Variants in MEIOSIN observed in about 807,000 individuals in gnomAD.
MEIOSIN encodes meiosis initiator protein.
Under a neutral mutation model 23.4 loss-of-function variants are expected in MEIOSIN, and 18 were observed. The ratio of observed to expected loss-of-function variants is 0.77; its 90% CI spans 0.53 to 1.14. MEIOSIN has a LOEUF of 1.14. Ranked by LOEUF, MEIOSIN falls within the 50% of genes most tolerant of loss-of-function variation. The pLI is 0.00. For synonymous variants in MEIOSIN, 187 were observed against 100.6 expected (o/e 1.86, Z -5.14); for missense variants, 428 against 242.9 (o/e 1.76, Z -5.07).
intron 8 of MEIOSIN, among the ~76,000 whole-genome samples, chr19:45,756,444 G>T (rs1196725547): frequency 5.3e-5 from 8 of 152,018 alleles, no homozygotes; most frequent in Non-Finnish European, 1.0e-4. Flanking sequence ...TTGAGACAGG[G>T]TCTCACTCTG....
At chr19:45,745,819 G>A (rs1161111461) in intron 4 of MEIOSIN, among the ~76,000 whole-genome samples, 2 of 152,090 alleles carry the variant, frequency 1.3e-5, no homozygotes, top group East Asian at 1.9e-4. Flanking sequence ...CGATCCATCC[G>A]CCTTGGCCTC....
At chr19:45,734,020 A>G (rs982729524) in intron 1 of MEIOSIN, among the ~76,000 whole-genome samples, 8 of 151,970 alleles carry the variant, frequency 5.3e-5, no homozygotes, top group African/African-American at 1.9e-4. Context: ...CAATTTGGGG[A>G]TCTGGAAGTC....
At chr19:45,747,367 AG>A (rs1968613751) in intron 4 of MEIOSIN, among the ~76,000 whole-genome samples, 1 of 152,098 alleles carries the variant, frequency 6.6e-6, no homozygotes, top group African/African-American at 2.4e-5. Flanking sequence ...TTTGATTCAG[AG>A]TGTCCTTCCT....
rs551578515 is a variant in MEIOSIN at position 45,735,506 on chromosome 19, A to C, written c.71+59A>C. On this transcript the variant is annotated intron_variant, in intron 2 of 14. Transcript: ENST00000457052. ...GCCACTCTCATTGAATAATAATAAC[A>C]AAAACATTTGCTGAGCATTTACCGT... The C allele has an allele frequency of 6.2e-4, 412 of 669,410 alleles. 4 individuals are homozygous for C. Among genetic ancestry groups the C allele is most frequent in the South Asian group, 6.1e-3 (387 of 63,550 alleles). 41.5% of individuals were successfully genotyped at this position (669,410 alleles called of 1,614,324 possible).
In MEIOSIN at chr19:45,761,694, GC is replaced by G. The variant is rs1285118722; in HGVS notation, c.1266del (p.Asp424ThrfsTer22). ...CATGCCCCAGGACACAGCCTCCAAGGCCCCCAAAGACCCTCCTGAGTCCCAC... is the reference window on the plus strand; with the variant it reads ...CATGCCCCAGGACACAGCCTCCAAGGCCCCAAAGACCCTCCTGAGTCCCAC... ...APQEKDTASK[A>X]PKDPPESHSL... On this transcript the variant is annotated frameshift_variant, in exon 12 of 15. Coordinates refer to ENST00000457052, the MANE Select transcript of MEIOSIN (RefSeq NM_001310124.2). LOFTEE classifies it high-confidence loss of function. The G allele has an allele frequency of 1.1e-5, 8 of 702,400 alleles. No individual in the cohort carries two copies. The highest frequency in any genetic ancestry group is 1.8e-5 in the Non-Finnish European group (7 of 384,778). 43.5% of individuals were successfully genotyped at this position (702,400 alleles called of 1,614,324 possible).
chr19:45,736,957 C>T (rs1404383315), intron 2 of MEIOSIN, among the ~76,000 whole-genome samples: 1 of 151,260 alleles, frequency 6.6e-6, no homozygotes, highest in Non-Finnish European at 1.5e-5. Context: ...CAACCTCCGC[C>T]TCCCGGGTTC....
chr19:45,761,619 GGGGGGA>G, intron 11 of MEIOSIN, 54 bp from the exon 12 acceptor site: 1 of 678,316 alleles, frequency 1.5e-6, no homozygotes, highest in South Asian at 1.6e-5. Context: ...AAGCAGTACT[GGGGGGA>G]TGAAGGGGCA....
chr19:45,748,438 C>T (rs533592592), intron 4 of MEIOSIN, among the ~76,000 whole-genome samples: 1 of 152,178 alleles, frequency 6.6e-6, no homozygotes, highest in Non-Finnish European at 1.5e-5. Flanking sequence ...AGGCTCTTGC[C>T]TTCAACCATT....
chr19:45,756,193 C>G (rs1968826347), intron 8 of MEIOSIN, 115 bp downstream of exon 8: 1 of 619,268 alleles, frequency 1.6e-6, no homozygotes, highest in Non-Finnish European at 2.9e-6. Context: ...CCCTTGAGCA[C>G]CAATGGAGGC....
intron 3 of MEIOSIN, among the ~76,000 whole-genome samples, chr19:45,744,211 G>A (rs935712377): frequency 1.3e-5 from 2 of 151,112 alleles, no homozygotes; most frequent in African/African-American, 4.9e-5. Flanking sequence ...GTAGAGATGG[G>A]TTTTTGCCAT....
Position 45,763,321 on chromosome 19 carries a change from C to T in MEIOSIN, c.1680-17C>T, listed in dbSNP as rs900340531. The stretch of plus-strand genomic sequence containing the variant: ...TCCTGCAGACCTCTCCTTACCTCCT[C>T]CTCCTTCCTGTCCCAGATCCTGCCC... On this transcript the variant is annotated splice_polypyrimidine_tract_variant and intron_variant, in intron 13 of 14. Transcript: ENST00000457052. The T allele has an allele frequency of 2.5e-5, 10 of 398,702 alleles. No individual in the cohort carries two copies. Among genetic ancestry groups the T allele is most frequent in the Non-Finnish European group, 4.4e-5 (10 of 226,206 alleles). The allele number at this position is 398,702 out of a possible 1,614,324, so 24.7% of individuals were successfully genotyped here.
At chr19:45,747,943 T>C (rs1227286543) in intron 4 of MEIOSIN, among the ~76,000 whole-genome samples, 1 of 141,342 alleles carries the variant, frequency 7.1e-6, no homozygotes, top group Non-Finnish European at 1.6e-5. Flanking sequence ...CTACAAAAAA[T>C]ACAAAAATTA....
At chr19:45,734,582 C>A (rs1448658145) in intron 1 of MEIOSIN, among the ~76,000 whole-genome samples, 2 of 151,650 alleles carry the variant, frequency 1.3e-5, no homozygotes, top group Non-Finnish European at 2.9e-5. Flanking sequence ...TAGCTCACTG[C>A]AGCCTTGACC....
chr19:45,763,438 C>T lies in MEIOSIN; in HGVS notation c.1769+11C>T, dbSNP rs1968989043. 7.5e-6 allele frequency: 3 copies of T among 398,570 alleles called. No homozygotes were observed. The highest frequency in any genetic ancestry group is 1.3e-5 in the Non-Finnish European group (3 of 226,134). 24.7% of individuals were successfully genotyped at this position (398,570 alleles called of 1,614,324 possible). A position where few individuals can be genotyped will look rare whatever the true frequency, so the allele number is the denominator to read the frequency against. ...GCGGAGGCCATACTGGTGAGAGGCT[C>T]CGGCCCCGAGGTGTGGGTGGGGGGT... On this transcript the variant is annotated intron_variant, in intron 14 of 14. Transcript: ENST00000457052.
chr19:45,753,855 G>A lies in MEIOSIN; in HGVS notation c.556+67G>A, dbSNP rs976530429. The A allele has an allele frequency of 6.1e-6, 4 of 653,512 alleles. No homozygotes were observed. The Admixed American group carries it at 7.1e-5, about 12-fold the overall frequency. The allele number at this position is 653,512 out of a possible 1,614,324, so 40.5% of individuals were successfully genotyped here. ...CCCAGGAGCAGGGCTCCTTCTCCAGGGATGTCCTTACTCTGGGGGCCTTCT... is the reference window on the plus strand; with the variant it reads ...CCCAGGAGCAGGGCTCCTTCTCCAGAGATGTCCTTACTCTGGGGGCCTTCT... On this transcript the variant is annotated intron_variant, in intron 6 of 14. Coordinates refer to ENST00000457052, the MANE Select transcript of MEIOSIN (RefSeq NM_001310124.2).
rs552798256 is a variant in MEIOSIN, at chr19:45,762,023, C to A, written c.1519C>A (p.Pro507Thr). Residue 507 changes from proline to threonine, a missense_variant, in exon 13 of 15, where the codon CCC becomes ACC. By Grantham distance (38) the Pro-to-Thr change is conservative. Coordinates refer to ENST00000457052, the MANE Select transcript of MEIOSIN (RefSeq NM_001310124.2). The stretch of plus-strand genomic sequence containing the variant: ...ATGGACCCCCACCCGGCTGGCCTCA[C>A]CCCTGCTGGCAGCTGAGAAAAAGGC... Reference protein sequence around the residue: ...TTWTPTRLASPLLAAEKKATK... With the variant: ...TTWTPTRLASTLLAAEKKATK... The A allele has an allele frequency of 1.9e-4, 95 of 491,854 alleles. No individual in the cohort carries two copies. In the South Asian group the frequency reaches 3.6e-3, roughly 19 times the overall value. The allele number at this position is 491,854 out of a possible 1,614,324, so 30.5% of individuals were successfully genotyped here.
chr19:45,736,012 C>G (rs571465248), intron 2 of MEIOSIN, among the ~76,000 whole-genome samples: 25 of 152,016 alleles, frequency 1.6e-4, no homozygotes, highest in Middle Eastern at 3.4e-3. Context: ...AAGATAACTT[C>G]TAAGGTCCTT....
intron 5 of MEIOSIN, among the ~76,000 whole-genome samples, chr19:45,751,787 G>A (rs1432921930): frequency 2.6e-5 from 4 of 151,440 alleles, no homozygotes; most frequent in Non-Finnish European, 5.9e-5. Flanking sequence ...CTGGAGTGCA[G>A]TGGCGTGATC....
At chr19:45,747,783 G>A (rs962097802) in intron 4 of MEIOSIN, among the ~76,000 whole-genome samples, 2 of 152,292 alleles carry the variant, frequency 1.3e-5, no homozygotes, top group East Asian at 3.9e-4. Flanking sequence ...TAGAAAGAGA[G>A]ACAGAGAGAA....
Sources: gnomAD v4.1 joint callset for allele counts (sites outside exome capture counted in the v4.1 genomes callset) on GRCh38, gnomAD v4.1.1 for gene constraint, MANE v1.5 for transcripts, NCBI Gene and HGNC (gene_info 2026-07-23, HGNC 2026-07-21) for gene names.